Variants in THSD7B observed in about 807,000 individuals in gnomAD.
THSD7B encodes the protein thrombospondin type 1 domain containing 7B, also known as thrombospondin type-1 domain-containing protein 7B.
In THSD7B, 138 loss-of-function variants were observed where a neutral mutation model predicts 213.6. The ratio of observed to expected loss-of-function variants is 0.65; its 90% CI spans 0.56 to 0.74. THSD7B has a LOEUF of 0.74. Ranked by LOEUF, THSD7B falls within the 30% of genes least tolerant of loss-of-function variation. The probability of loss-of-function intolerance (pLI) is 0.00; values close to 1 mark genes in which losing one functional copy is unlikely to be tolerated. For missense variants in THSD7B, 1,931 were observed against 1,991.5 expected, an observed-to-expected ratio of 0.97 and a Z score of 0.58; for synonymous variants, 742 against 687.0, an observed-to-expected ratio of 1.08 and a Z score of -1.25.
At chr2:136,915,628 G>A (rs773273081) in intron 2 of THSD7B, among the ~76,000 whole-genome samples, 3 of 152,196 alleles carry the variant, frequency 2.0e-5, no homozygotes, top group Non-Finnish European at 4.4e-5. Flanking sequence ...CACATGGATT[G>A]TTAAGAGGTT....
At chr2:137,350,359 A>G (rs1001073895) in intron 12 of THSD7B, among the ~76,000 whole-genome samples, 15 of 151,844 alleles carry the variant, frequency 9.9e-5, no homozygotes, top group African/African-American at 3.1e-4. Context: ...ATTTCCAGTA[A>G]AAGTAATGCT....
intron 2 of THSD7B, among the ~76,000 whole-genome samples, chr2:137,012,483 G>A (rs1277429256): frequency 6.6e-6 from 1 of 152,202 alleles, no homozygotes; most frequent in East Asian, 1.9e-4. Context: ...CATTGCAGAA[G>A]TGAATGGTTT....
chr2:136,967,119 G>C (rs1362731637), intron 2 of THSD7B, among the ~76,000 whole-genome samples: 3 of 152,094 alleles, frequency 2.0e-5, no homozygotes, highest in African/African-American at 7.2e-5. Flanking sequence ...CTGCAGGTGG[G>C]AGGTACTGAA....
intron 7 of THSD7B, among the ~76,000 whole-genome samples, chr2:137,186,190 C>T (rs137887136): frequency 6.6e-6 from 1 of 152,224 alleles, no homozygotes; most frequent in East Asian, 1.9e-4. Context: ...TGTCTGTTTA[C>T]TCCATCGATA....
intron 15 of THSD7B, among the ~76,000 whole-genome samples, chr2:137,507,883 A>G (rs1679873073): frequency 2.0e-5 from 3 of 152,210 alleles, no homozygotes; most frequent in African/African-American, 7.2e-5. Flanking sequence ...TACCCCAGTC[A>G]ACAAATTGAG....
Position 137,562,958 on chromosome 2 carries a change from G to A in THSD7B, c.3139-263G>A, listed in dbSNP as rs76264489. 4.2e-3 allele frequency among the ~76,000 whole-genome samples: 633 copies of A among 152,102 alleles called. 9 individuals are homozygous for A. The highest frequency in any genetic ancestry group is 0.026 in the Admixed American group (392 of 15,246). ...AAATGATAATGGAATTCCTATTCTT[G>A]GCACTAGGAAATGACCGTCCTTTGT... On this transcript the variant is annotated intron_variant, in intron 15 of 27. Coordinates refer to ENST00000409968, the MANE Select transcript of THSD7B (RefSeq NM_001316349.2).
chr2:136,832,094 C>T (rs553046686), intron 1 of THSD7B, among the ~76,000 whole-genome samples: 19 of 151,542 alleles, frequency 1.3e-4, no homozygotes, highest in Non-Finnish European at 2.5e-4. Flanking sequence ...TACCTTATAC[C>T]CAGTAGGCTA....
chr2:136,994,273 G>A (rs1685838905), intron 2 of THSD7B, among the ~76,000 whole-genome samples: 1 of 152,188 alleles, frequency 6.6e-6, no homozygotes. Flanking sequence ...GAAAATCTAA[G>A]AAAGCCTATA....
chr2:137,057,203 G>A lies in THSD7B; in HGVS notation c.923G>A (p.Arg308Lys), dbSNP rs759237070. Reference sequence around the variant, plus strand: ...CAAACCCGGCAGGTTTCGTGTACAAGAAGTGATGGACAAAATGCTATGTTA... The same window carrying A: ...CAAACCCGGCAGGTTTCGTGTACAAAAAGTGATGGACAAAATGCTATGTTA... ...GYQTRQVSCT[R>K]SDGQNAMLSL... The change falls in exon 3 of 28, where the codon AGA (arginine) becomes AAA (lysine). Residue 308 changes from arginine to lysine, a missense_variant. Transcript: ENST00000409968. 15 of 1,613,150 alleles carry A rather than the reference G, an allele frequency of 9.3e-6. No individual in the cohort carries two copies. The South Asian group carries it at 1.3e-4, about 14-fold the overall frequency.
At chr2:136,880,825 T>A (rs140426036) in intron 1 of THSD7B, among the ~76,000 whole-genome samples, 8 of 152,302 alleles carry the variant, frequency 5.3e-5, no homozygotes, top group South Asian at 2.1e-4. Flanking sequence ...TCTACCATTG[T>A]CTACTAGTAA....
intron 1 of THSD7B, among the ~76,000 whole-genome samples, chr2:136,791,581 T>C (rs1372238221): frequency 6.9e-6 from 1 of 145,054 alleles, no homozygotes; most frequent in Admixed American, 6.9e-5. Flanking sequence ...CCTAATCTAC[T>C]TTCTGTTCCT....
intron 15 of THSD7B, among the ~76,000 whole-genome samples, chr2:137,535,599 A>C (rs982520509): frequency 6.6e-5 from 10 of 151,796 alleles, no homozygotes; most frequent in African/African-American, 2.2e-4. Context: ...CATGGAACAA[A>C]CATTTATTTA....
At position 137,575,917 on chromosome 2, in the gene THSD7B, G is replaced by A. The variant is rs906444330; in HGVS notation, c.3423+3361G>A. Among the ~76,000 whole-genome samples the A allele has an allele frequency of 7.9e-5, 12 of 151,448 alleles. No individual in the cohort carries two copies. In the East Asian group the frequency reaches 1.7e-3, roughly 22 times the overall value. On this transcript the variant is annotated intron_variant, in intron 17 of 27. Coordinates refer to ENST00000409968, the MANE Select transcript of THSD7B (RefSeq NM_001316349.2). ...ACACATACAAATATACAGACATTTC[G>A]TAGTTCATTACTTACCACCCAATGT...
intron 20 of THSD7B, among the ~76,000 whole-genome samples, chr2:137,625,778 G>A (rs1364577922): frequency 6.6e-6 from 1 of 152,192 alleles, no homozygotes; most frequent in Non-Finnish European, 1.5e-5. Flanking sequence ...AGGCAGCCCT[G>A]CTTCCAGGGA....
chr2:137,128,445 A>T (rs1359737313), intron 5 of THSD7B, among the ~76,000 whole-genome samples: 1 of 152,208 alleles, frequency 6.6e-6, no homozygotes, highest in East Asian at 1.9e-4. Context: ...TAAACATATT[A>T]CTTTCTGGGT....
intron 1 of THSD7B, among the ~76,000 whole-genome samples, chr2:136,827,955 T>C (rs1361479264): frequency 6.6e-6 from 1 of 152,166 alleles, no homozygotes; most frequent in Non-Finnish European, 1.5e-5. Flanking sequence ...AGTGTGTGTG[T>C]GTGTGCCTGT....
At chr2:137,672,446 A>G (rs958175500) in intron 27 of THSD7B, among the ~76,000 whole-genome samples, 7 of 152,196 alleles carry the variant, frequency 4.6e-5, no homozygotes, top group Non-Finnish European at 2.9e-5. Flanking sequence ...CTTTAGACTC[A>G]ACATAATGTC....
intron 1 of THSD7B, among the ~76,000 whole-genome samples, chr2:136,775,616 A>G (rs1254554283): frequency 6.6e-6 from 1 of 152,142 alleles, no homozygotes; most frequent in Non-Finnish European, 1.5e-5. Context: ...TGGGAAGTGG[A>G]GCAGGATAAA....
intron 4 of THSD7B, among the ~76,000 whole-genome samples, chr2:137,111,251 C>T (rs116438912): frequency 2.4e-4 from 37 of 152,264 alleles, no homozygotes; most frequent in African/African-American, 8.9e-4. Context: ...ATATTTTTGT[C>T]TACACCCAGA....
Sources: gnomAD v4.1 joint callset for allele counts (sites outside exome capture counted in the v4.1 genomes callset) on GRCh38, gnomAD v4.1.1 for gene constraint, MANE v1.5 for transcripts, NCBI Gene and HGNC (gene_info 2026-07-23, HGNC 2026-07-21) for gene names.